Variants in CTNNA3 observed in about 807,000 individuals in gnomAD.
CTNNA3 encodes the protein catenin alpha-3.
In CTNNA3, 76 loss-of-function variants were observed where a neutral mutation model predicts 95.7. The ratio of observed to expected loss-of-function variants is 0.79; its 90% CI spans 0.66 to 0.96. The LOEUF is 0.96. Ranked by LOEUF, CTNNA3 falls within the 40% of genes least tolerant of loss-of-function variation. The pLI is 0.00. For synonymous variants in CTNNA3, 431 were observed against 374.4 expected, an observed-to-expected ratio of 1.15 and a Z score of -1.74; for missense variants, 1,191 against 1,089.8, an observed-to-expected ratio of 1.09 and a Z score of -1.31.
chr10:67,090,170 G>T (rs1857546094), intron 7 of CTNNA3, among the ~76,000 whole-genome samples: 1 of 151,926 alleles, frequency 6.6e-6, no homozygotes, highest in South Asian at 2.1e-4. Flanking sequence ...TATACTTAAG[G>T]TTCCTGTCCC....
chr10:66,831,545 C>T (rs1442338100), intron 7 of CTNNA3, among the ~76,000 whole-genome samples: 1 of 152,184 alleles, frequency 6.6e-6, no homozygotes, highest in African/African-American at 2.4e-5. Context: ...TGTCTCTCTA[C>T]CAGTTGGCAC....
chr10:67,257,305 C>A (rs928594989), intron 5 of CTNNA3, among the ~76,000 whole-genome samples: 2 of 152,170 alleles, frequency 1.3e-5, no homozygotes, highest in Admixed American at 6.5e-5. Flanking sequence ...AAAAAGTAAT[C>A]TGGAGAATAA....
intron 12 of CTNNA3, among the ~76,000 whole-genome samples, chr10:66,323,632 A>G (rs2092218555): frequency 1.3e-5 from 2 of 150,652 alleles, no homozygotes; most frequent in Admixed American, 1.3e-4. Flanking sequence ...ACCCTGGGTG[A>G]AAGAGGGAGA....
At chr10:66,782,107 A>G (rs1299730926) in intron 7 of CTNNA3, among the ~76,000 whole-genome samples, 1 of 152,156 alleles carries the variant, frequency 6.6e-6, no homozygotes, top group African/African-American at 2.4e-5. Context: ...CAGCTCCATC[A>G]CCTGACAGCT....
In CTNNA3 at chr10:67,156,171, C is replaced by T. The variant is rs144143609; in HGVS notation, c.1047+24146G>A. 1.3e-3 allele frequency among the ~76,000 whole-genome samples: 201 copies of T among 151,970 alleles called. 3 individuals carry two copies. Among genetic ancestry groups the T allele is most frequent in the African/African-American group, 4.6e-3 (192 of 41,524 alleles). On this transcript the variant is annotated intron_variant, in intron 7 of 17. Transcript: ENST00000433211. Reference sequence around the variant, plus strand: ...CTGTCATTTATAATTTTATTTGAGTCTTTTTTTCTCTTACTTTTGCTAGTG... The same window carrying T: ...CTGTCATTTATAATTTTATTTGAGTTTTTTTTTCTCTTACTTTTGCTAGTG...
chr10:67,327,647 A>C (rs934770802), intron 5 of CTNNA3, among the ~76,000 whole-genome samples: 1 of 152,100 alleles, frequency 6.6e-6, no homozygotes, highest in Non-Finnish European at 1.5e-5. Flanking sequence ...TGGTCAGTAC[A>C]CTCCAACGGG....
intron 5 of CTNNA3, among the ~76,000 whole-genome samples, chr10:67,405,028 C>A (rs1845083562): frequency 6.6e-6 from 1 of 152,134 alleles, no homozygotes; most frequent in Admixed American, 6.5e-5. Flanking sequence ...TTGTTACCAC[C>A]AGACCTGCTT....
chr10:67,075,444 G>A (rs117683837), intron 7 of CTNNA3, among the ~76,000 whole-genome samples: 4,455 of 152,154 alleles, frequency 0.029, 96 homozygotes, highest in Non-Finnish European at 0.045. Flanking sequence ...CTTGGGTCTG[G>A]GCACAAGTAG....
At chr10:66,825,706 CT>C (rs969892434) in intron 7 of CTNNA3, among the ~76,000 whole-genome samples, 9 of 152,066 alleles carry the variant, frequency 5.9e-5, no homozygotes, top group African/African-American at 1.9e-4. Context: ...GCTAGCCAAA[CT>C]TTTTTTTCTA....
intron 13 of CTNNA3, among the ~76,000 whole-genome samples, chr10:66,270,823 A>C (rs1452585311): frequency 6.6e-6 from 1 of 152,148 alleles, no homozygotes; most frequent in Non-Finnish European, 1.5e-5. Context: ...CAGATGCCAG[A>C]AGCATGGGCC....
chr10:66,327,606 C>A (rs1314615370), intron 12 of CTNNA3, among the ~76,000 whole-genome samples: 2 of 151,988 alleles, frequency 1.3e-5, no homozygotes, highest in African/African-American at 4.8e-5. Context: ...ATTACCCTAT[C>A]AATTTTCCCT....
At chr10:67,706,204 T>C (rs541965608) in intron 1 of CTNNA3, among the ~76,000 whole-genome samples, 2 of 152,092 alleles carry the variant, frequency 1.3e-5, no homozygotes, top group Non-Finnish European at 2.9e-5. Flanking sequence ...GCAGGCATAC[T>C]TTGAGGTGTA....
In CTNNA3 at chr10:66,280,599, T is replaced by G; in HGVS notation, c.1755A>C (p.Gln585His). 1 of 1,606,732 alleles carries G rather than the reference T, an allele frequency of 6.2e-7. No homozygotes were observed. Among genetic ancestry groups the G allele is most frequent in the Non-Finnish European group, 8.5e-7 (1 of 1,177,078 alleles). ...TSTVIPEFVT[Q>H]VNVALEALSK... ...TTAAGGCTTCCAAGGCAACATTCACTTGTGTTACAAATTCAGGAATTACTG... is the reference window on the plus strand; with the variant it reads ...TTAAGGCTTCCAAGGCAACATTCACGTGTGTTACAAATTCAGGAATTACTG... The change falls in exon 13 of 18, where the codon CAA becomes CAC. Residue 585 changes from glutamine to histidine, a missense_variant. Gln to His is a conservative substitution (Grantham distance 24). Coordinates refer to ENST00000433211, the MANE Select transcript of CTNNA3 (RefSeq NM_013266.4).
intron 7 of CTNNA3, among the ~76,000 whole-genome samples, chr10:67,153,063 C>A (rs1303789314): frequency 6.6e-6 from 1 of 152,016 alleles, no homozygotes; most frequent in Non-Finnish European, 1.5e-5. Context: ...GCAACCTCTG[C>A]CTCCCAGATT....
chr10:67,468,126 C>A (rs536252981), intron 5 of CTNNA3, among the ~76,000 whole-genome samples: 57 of 151,998 alleles, frequency 3.8e-4, no homozygotes, highest in African/African-American at 1.3e-3. Flanking sequence ...TATTTCATCA[C>A]CCAAGTATTC....
chr10:66,575,535 A>T (rs770948123), intron 10 of CTNNA3, among the ~76,000 whole-genome samples: 1 of 152,134 alleles, frequency 6.6e-6, no homozygotes, highest in Non-Finnish European at 1.5e-5. Flanking sequence ...AATCTTGACA[A>T]TGCTGGTCAA....
intron 13 of CTNNA3, among the ~76,000 whole-genome samples, chr10:66,153,404 C>T (rs767127926): frequency 2.6e-5 from 4 of 151,866 alleles, no homozygotes; most frequent in Non-Finnish European, 4.4e-5. Context: ...AAGAAAGATA[C>T]TATTTTTATA....
chr10:66,585,496 A>G (rs996613903), intron 10 of CTNNA3, among the ~76,000 whole-genome samples: 1 of 151,730 alleles, frequency 6.6e-6, no homozygotes, highest in Non-Finnish European at 1.5e-5. Flanking sequence ...AAAGCTTTTC[A>G]CTGCATTTTG....
At chr10:67,128,322 G>A (rs545008123) in intron 7 of CTNNA3, among the ~76,000 whole-genome samples, 1 of 152,040 alleles carries the variant, frequency 6.6e-6, no homozygotes, top group East Asian at 1.9e-4. Context: ...AGGATGTATG[G>A]TTTTTCTAAA....
Sources: gnomAD v4.1 joint callset for allele counts (sites outside exome capture counted in the v4.1 genomes callset) on GRCh38, gnomAD v4.1.1 for gene constraint, MANE v1.5 for transcripts, NCBI Gene and HGNC (gene_info 2026-07-23, HGNC 2026-07-21) for gene names.